The following FOXP2 variants were observed in gnomAD, a reference collection of about 807,000 sequenced individuals.
FOXP2 encodes forkhead box P2, also known as forkhead box protein P2.
A neutral mutation model predicts 115.8 loss-of-function variants in FOXP2; 12 were observed. The ratio of observed to expected loss-of-function variants is 0.10; its 90% CI spans 0.07 to 0.17. The LOEUF (loss-of-function observed/expected upper bound fraction) is 0.17. Among genes scored for constraint, FOXP2 ranks in the 10% least tolerant of loss-of-function variants. The pLI is 1.00. For missense variants in FOXP2, 629 were observed against 843.5 expected (o/e 0.75, Z 3.15); for synonymous variants, 328 against 297.7 (o/e 1.10, Z -1.05).
intron 2 of FOXP2, among the ~76,000 whole-genome samples, chr7:114,478,874 G>A (rs1189040014): frequency 6.6e-6 from 1 of 151,642 alleles, no homozygotes; most frequent in Non-Finnish European, 1.5e-5. Context: ...TTTTGTGAAA[G>A]TGGTGCTTCA....
chr7:114,113,868 A>G (rs1040332508), intron 1 of FOXP2, among the ~76,000 whole-genome samples: 1 of 152,078 alleles, frequency 6.6e-6, no homozygotes, highest in Non-Finnish European at 1.5e-5. Flanking sequence ...TTTTTGGGGT[A>G]AATAATTTTA....
intron 2 of FOXP2, among the ~76,000 whole-genome samples, chr7:114,360,346 C>A (rs1045808340): frequency 3.3e-5 from 5 of 152,128 alleles, no homozygotes; most frequent in African/African-American, 9.7e-5. Context: ...AGAAAATGGA[C>A]TACTACATCC....
At chr7:114,446,950 A>T (rs1321557244) in intron 2 of FOXP2, among the ~76,000 whole-genome samples, 1 of 151,856 alleles carries the variant, frequency 6.6e-6, no homozygotes, top group Admixed American at 6.6e-5. Flanking sequence ...GGGTTTCACC[A>T]TGTTGGCCAG....
intron 2 of FOXP2, among the ~76,000 whole-genome samples, chr7:114,354,629 G>A (rs1168687694): frequency 6.6e-6 from 1 of 152,008 alleles, no homozygotes; most frequent in East Asian, 1.9e-4. Flanking sequence ...TCCTGAAAAT[G>A]TCATCTCAAT....
chr7:114,436,005 C>A (rs1226561794), intron 2 of FOXP2, among the ~76,000 whole-genome samples: 1 of 151,996 alleles, frequency 6.6e-6, no homozygotes, highest in Non-Finnish European at 1.5e-5. Context: ...AAGGTGCAAA[C>A]TCAATAATAC....
intron 3 of FOXP2, among the ~76,000 whole-genome samples, chr7:114,618,350 C>T (rs1230496279): frequency 6.6e-6 from 1 of 152,154 alleles, no homozygotes; most frequent in Non-Finnish European, 1.5e-5. Flanking sequence ...AACAAAATTA[C>T]TAGTACAGAC....
intron 1 of FOXP2, among the ~76,000 whole-genome samples, chr7:114,196,322 A>G (rs1793906879): frequency 2.0e-5 from 3 of 152,158 alleles, no homozygotes; most frequent in Admixed American, 6.5e-5. Flanking sequence ...AAAATTTTAA[A>G]AGGACCTTTT....
intron 16 of FOXP2, 141 bp downstream of exon 16, chr7:114,664,577 T>C: frequency 1.1e-6 from 1 of 928,874 alleles, no homozygotes; most frequent in South Asian, 1.5e-5. Context: ...ACGTTCATAA[T>C]ATGACAAAGT....
chr7:114,300,232 A>C (rs1796846695), intron 2 of FOXP2, among the ~76,000 whole-genome samples: 2 of 152,136 alleles, frequency 1.3e-5, no homozygotes. Flanking sequence ...ATGACGATTC[A>C]ATCTATATAA....
intron 6 of FOXP2, among the ~76,000 whole-genome samples, chr7:114,637,194 T>C (rs1187768413): frequency 6.6e-6 from 1 of 152,114 alleles, no homozygotes; most frequent in African/African-American, 2.4e-5. Flanking sequence ...GTATTATCTG[T>C]GGTATGATAG....
At chr7:114,497,003 G>A (rs1797351076) in intron 2 of FOXP2, among the ~76,000 whole-genome samples, 2 of 152,134 alleles carry the variant, frequency 1.3e-5, no homozygotes, top group South Asian at 4.1e-4. Context: ...GTTGTATATA[G>A]GTAGTAATAC....
intron 2 of FOXP2, among the ~76,000 whole-genome samples, chr7:114,448,576 A>G (rs1794934922): frequency 6.6e-6 from 1 of 152,130 alleles, no homozygotes; most frequent in Non-Finnish European, 1.5e-5. Context: ...CTACACCCAT[A>G]GTGGTGCCGC....
At chr7:114,539,238 T>C (rs1189655856) in intron 3 of FOXP2, among the ~76,000 whole-genome samples, 1 of 152,020 alleles carries the variant, frequency 6.6e-6, no homozygotes, top group South Asian at 2.1e-4. Flanking sequence ...TACTAACTTA[T>C]ATGGGATATA....
intron 9 of FOXP2, 71 bp from the exon 10 acceptor site, chr7:114,653,855 A>C (rs1806424132): frequency 5.6e-6 from 8 of 1,419,392 alleles, no homozygotes; most frequent in Middle Eastern, 3.5e-4. Context: ...CAATGATAAG[A>C]TGTATCACTG....
At chr7:114,516,457 C>T (rs1798350053) in intron 2 of FOXP2, among the ~76,000 whole-genome samples, 1 of 152,012 alleles carries the variant, frequency 6.6e-6, no homozygotes, top group Non-Finnish European at 1.5e-5. Flanking sequence ...CATAAAAACC[C>T]TAGAAGAAAA....
intron 3 of FOXP2, among the ~76,000 whole-genome samples, chr7:114,601,657 C>T (rs117171448): frequency 0.016 from 2,439 of 152,070 alleles, 29 homozygotes; most frequent in South Asian, 0.024. Flanking sequence ...TTAGCTTTAT[C>T]CTACAACTTG....
intron 3 of FOXP2, among the ~76,000 whole-genome samples, chr7:114,613,118 T>C (rs1803721057): frequency 6.6e-6 from 1 of 152,238 alleles, no homozygotes; most frequent in Non-Finnish European, 1.5e-5. Context: ...ATATTTCTTT[T>C]TAAAAGCTGT....
At chr7:114,566,032 T>TA (rs1801002320) in intron 3 of FOXP2, among the ~76,000 whole-genome samples, 1 of 152,152 alleles carries the variant, frequency 6.6e-6, no homozygotes, top group African/African-American at 2.4e-5. Context: ...TTTGCAAAGC[T>TA]AAAATGTGTT....
chr7:114,430,541 G>A (rs774389082), intron 2 of FOXP2, among the ~76,000 whole-genome samples: 25 of 151,626 alleles, frequency 1.6e-4, no homozygotes, highest in Non-Finnish European at 3.1e-4. Context: ...AGTTTACAAC[G>A]ATATAGGAAA....
Sources: allele counts gnomAD v4.1 joint callset (sites outside exome capture counted in the v4.1 genomes callset), GRCh38; gene constraint gnomAD v4.1.1; transcripts MANE v1.5; gene names NCBI Gene and HGNC (gene_info 2026-07-23, HGNC 2026-07-21).